FHIT: variants seen among roughly 807,000 people sequenced by gnomAD.
FHIT encodes the protein fragile histidine triad diadenosine triphosphatase.
FHIT carries 19 observed loss-of-function variants against 17.9 expected under a neutral mutation model. The observed-to-expected ratio is 1.06, with a 90% CI of 0.74 to 1.56. The LOEUF (loss-of-function observed/expected upper bound fraction) is 1.56. Ranked by LOEUF, FHIT falls within the 40% of genes most tolerant of loss-of-function variation. FHIT has a pLI of 0.00. For synonymous variants in FHIT, 81 were observed against 69.7 expected (o/e 1.16, Z -0.81); for missense variants, 248 against 189.2 (o/e 1.31, Z -1.82).
intron 5 of FHIT, among the ~76,000 whole-genome samples, chr3:60,150,432 AC>A (rs1199144462): frequency 6.6e-6 from 1 of 152,180 alleles, no homozygotes; most frequent in African/African-American, 2.4e-5. Flanking sequence ...TAAGGCAAAC[AC>A]TAGAAATTTA....
Position 60,970,409 on chromosome 3 carries a change from C to T in FHIT, c.-111+71638G>A, listed in dbSNP as rs1271990346. On this transcript the variant is annotated intron_variant, in intron 3 of 9. Coordinates refer to ENST00000492590, the MANE Select transcript of FHIT (RefSeq NM_002012.4). ...CTTATAGTTGTCTTGTTTTAATAAT[C>T]CAGTCTAATAATCTGTTTTTAAATA... Among the ~76,000 whole-genome samples, 4 of 152,096 alleles carry T rather than the reference C, an allele frequency of 2.6e-5. No individual in the cohort carries two copies. The East Asian group carries it at 7.7e-4, about 29-fold the overall frequency.
chr3:60,710,862 A>T, intron 4 of FHIT, among the ~76,000 whole-genome samples: 1 of 152,228 alleles, frequency 6.6e-6, no homozygotes, highest in East Asian at 1.9e-4. Flanking sequence ...ACAAACAAAA[A>T]GACAGCAGTA....
At chr3:60,080,413 A>C (rs1285463241) in intron 5 of FHIT, among the ~76,000 whole-genome samples, 1 of 152,160 alleles carries the variant, frequency 6.6e-6, no homozygotes, top group African/African-American at 2.4e-5. Context: ...GGACAGTCCC[A>C]GTTTCAAGTA....
chr3:59,878,532 T>C lies in FHIT; in HGVS notation c.348+43814A>G, dbSNP rs1703263392. Among the ~76,000 whole-genome samples the C allele has an allele frequency of 4.6e-5, 7 of 152,174 alleles. No individual in the cohort carries two copies. In the South Asian group the frequency reaches 1.5e-3, roughly 32 times the overall value. On this transcript the variant is annotated intron_variant, in intron 8 of 9. Transcript: ENST00000492590. ...CTGACTCTCACGCATTGTAAAGAAA[T>C]GCTGACCCCAAAGTGGGATTCTTTC... is the stretch of plus-strand genomic sequence containing the variant.
chr3:60,681,974 T>TA (rs1491348527), intron 4 of FHIT, among the ~76,000 whole-genome samples: 23 of 87,228 alleles, frequency 2.6e-4, no homozygotes, highest in Non-Finnish European at 4.4e-4. Context: ...AAACAGCAGA[T>TA]TTTTTTTTTT....
rs1704882866 is a variant in FHIT, at chr3:59,911,670, A to C, written c.348+10676T>G. 2.0e-5 allele frequency among the ~76,000 whole-genome samples: 3 copies of C among 152,222 alleles called. 1 individual carries two copies. The highest frequency in any genetic ancestry group is 2.0e-4 in the Admixed American group (3 of 15,286). On this transcript the variant is annotated intron_variant, in intron 8 of 9. Transcript: ENST00000492590. The stretch of plus-strand genomic sequence containing the variant: ...GAAAAAATACCTTGGCATCTCAGGA[A>C]GGACAACAATTTGAACTACTATTGT...
chr3:61,218,715 G>A lies in FHIT; in HGVS notation c.-212-18050C>T, dbSNP rs541585259. 1.5e-3 allele frequency among the ~76,000 whole-genome samples: 222 copies of A among 152,264 alleles called. 1 individual carries two copies. Among genetic ancestry groups the A allele is most frequent in the Non-Finnish European group, 2.4e-3 (164 of 68,020 alleles). Reference sequence around the variant, plus strand: ...TTTTAAACTGAGCTTTGGCCTCACCGTAATCATATAGTGTCTTATGATAGG... The same window carrying A: ...TTTTAAACTGAGCTTTGGCCTCACCATAATCATATAGTGTCTTATGATAGG... On this transcript the variant is annotated intron_variant, in intron 1 of 9. Coordinates refer to ENST00000492590, the MANE Select transcript of FHIT (RefSeq NM_002012.4).
At chr3:59,811,861 C>T (rs1322229246) in intron 8 of FHIT, among the ~76,000 whole-genome samples, 3 of 152,176 alleles carry the variant, frequency 2.0e-5, no homozygotes, top group African/African-American at 7.2e-5. Flanking sequence ...CACATTTGGT[C>T]TTGTGGATGG....
At chr3:59,776,317 C>A (rs954456102) in intron 8 of FHIT, among the ~76,000 whole-genome samples, 2 of 152,208 alleles carry the variant, frequency 1.3e-5, no homozygotes, top group Admixed American at 6.5e-5. Context: ...CGCTGCTGTT[C>A]TCTTCAGTGG....
At chr3:60,477,863 G>A (rs528502201) in intron 5 of FHIT, among the ~76,000 whole-genome samples, 2 of 152,196 alleles carry the variant, frequency 1.3e-5, no homozygotes, top group East Asian at 3.9e-4. Context: ...ATATGATAGG[G>A]AGCAACACTT....
chr3:59,944,499 A>G (rs1706696076), intron 7 of FHIT, among the ~76,000 whole-genome samples: 1 of 134,616 alleles, frequency 7.4e-6, no homozygotes, highest in African/African-American at 2.7e-5. Context: ...GCTGCCCTTT[A>G]TTAAACATTT....
intron 4 of FHIT, among the ~76,000 whole-genome samples, chr3:60,713,947 T>C (rs1198125936): frequency 6.6e-6 from 1 of 151,756 alleles, no homozygotes; most frequent in Non-Finnish European, 1.5e-5. Context: ...GCCAGCATCA[T>C]CCTGATACCA....
chr3:59,978,673 G>C (rs1320288939), intron 7 of FHIT, among the ~76,000 whole-genome samples: 11 of 149,508 alleles, frequency 7.4e-5, no homozygotes, highest in African/African-American at 2.7e-4. Context: ...CAAAATTACT[G>C]CAAAACTATG....
intron 5 of FHIT, among the ~76,000 whole-genome samples, chr3:60,393,515 A>AT (rs1701314372): frequency 6.6e-6 from 1 of 151,584 alleles, no homozygotes; most frequent in Non-Finnish European, 1.5e-5. Context: ...GTGAGGACCA[A>AT]TTTTTTCTAA....
chr3:60,839,994 G>C (rs1165479879), intron 3 of FHIT, among the ~76,000 whole-genome samples: 2 of 152,028 alleles, frequency 1.3e-5, no homozygotes, highest in African/African-American at 2.4e-5. Flanking sequence ...TCTCAGAGGG[G>C]ACTTGATCTT....
chr3:60,535,692 A>T (rs755374706), intron 5 of FHIT: 1 of 151,988 alleles, frequency 6.6e-6, no homozygotes, highest in East Asian at 1.9e-4. Flanking sequence ...TTACTAGAGT[A>T]TTGCTTATTA....
chr3:59,856,509 G>A (rs1702163973), intron 8 of FHIT, among the ~76,000 whole-genome samples: 1 of 152,122 alleles, frequency 6.6e-6, no homozygotes, highest in Admixed American at 6.5e-5. Flanking sequence ...TCACAAGGGA[G>A]GAAAATTACA....
rs77928019 is a variant in FHIT, at chr3:60,009,745, G to A, written c.279+1626C>T. Among the ~76,000 whole-genome samples, 153 of 152,198 alleles carry A rather than the reference G, an allele frequency of 1.0e-3. 1 individual carries two copies. The highest frequency in any genetic ancestry group is 3.3e-3 in the African/African-American group (138 of 41,532). On this transcript the variant is annotated intron_variant, in intron 7 of 9. Transcript: ENST00000492590. ...CAACCATCACCACTAAGTCCACAAC[G>A]TTTTCATTACCCTAAAAGAACCTGT... is the stretch of plus-strand genomic sequence containing the variant.
At chr3:60,181,952 G>A (rs756103897) in intron 5 of FHIT, among the ~76,000 whole-genome samples, 2 of 152,048 alleles carry the variant, frequency 1.3e-5, no homozygotes, top group Admixed American at 6.6e-5. Flanking sequence ...AAACAAATCC[G>A]AAATATGCAA....
Sources: gnomAD v4.1 joint callset for allele counts (sites outside exome capture counted in the v4.1 genomes callset) on GRCh38, gnomAD v4.1.1 for gene constraint, MANE v1.5 for transcripts, NCBI Gene and HGNC (gene_info 2026-07-23, HGNC 2026-07-21) for gene names.